The following COL23A1 variants were observed in gnomAD, a reference collection of about 807,000 sequenced individuals.
COL23A1 encodes the protein collagen alpha-1(XXIII) chain.
In COL23A1, 97 loss-of-function variants were observed where a neutral mutation model predicts 99.3. The ratio of observed to expected loss-of-function variants is 0.98; its 90% CI spans 0.83 to 1.16. The LOEUF is 1.16. COL23A1 is among the 50% of genes most tolerant of loss of function. COL23A1 has a pLI of 0.00. For missense variants in COL23A1, 762 were observed against 757.4 expected, an observed-to-expected ratio of 1.01 and a Z score of -0.07; for synonymous variants, 320 against 308.2, an observed-to-expected ratio of 1.04 and a Z score of -0.40.
chr5:178,482,515 G>A (rs554039781), intron 2 of COL23A1, among the ~76,000 whole-genome samples: 3 of 152,298 alleles, frequency 2.0e-5, no homozygotes, highest in Admixed American at 2.0e-4. Flanking sequence ...GAAGAAAAAG[G>A]TTCTGAGATG....
At chr5:178,512,106 T>G (rs185200216) in intron 2 of COL23A1, among the ~76,000 whole-genome samples, 1 of 152,250 alleles carries the variant, frequency 6.6e-6, no homozygotes, top group East Asian at 1.9e-4. Flanking sequence ...CAAATGTGTA[T>G]GAACATGGCT....
intron 12 of COL23A1, among the ~76,000 whole-genome samples, chr5:178,258,394 G>GT (rs59750946): frequency 0.22 from 23,614 of 108,724 alleles, 4,007 homozygotes; most frequent in Non-Finnish European, 0.29. Flanking sequence ...GATGGGAGAG[G>GT]TTTTTTTTTT....
rs1561906476 is a variant in COL23A1, at chr5:178,365,687, G to A, written c.362-58768C>T. ...TCCTCGACAACTGCGTGCTGTTCCC[G>A]GCAGACCCTTGCGTTTCCTGTTCTC... On this transcript the variant is annotated intron_variant, in intron 2 of 28. Transcript: ENST00000390654. This position sits in a 1 kb window ranked among gnomAD's most constrained non-coding sequence, Gnocchi z 5.2. 6.6e-6 allele frequency among the ~76,000 whole-genome samples: 1 copy of A among 152,102 alleles called. No individual in the cohort carries two copies. The highest frequency in any genetic ancestry group is 1.5e-5 in the Non-Finnish European group (1 of 68,022).
At chr5:178,362,921 C>T (rs1341259362) in intron 2 of COL23A1, among the ~76,000 whole-genome samples, 24 of 113,630 alleles carry the variant, frequency 2.1e-4, no homozygotes, top group African/African-American at 7.9e-4. Flanking sequence ...AGCAACCCAC[C>T]CCCACAGCAA....
intron 2 of COL23A1, among the ~76,000 whole-genome samples, chr5:178,503,783 T>C (rs922406063): frequency 2.0e-5 from 3 of 152,016 alleles, no homozygotes. Context: ...GCAAATTCTG[T>C]GAATTTGAAA....
intron 2 of COL23A1, among the ~76,000 whole-genome samples, chr5:178,325,251 C>T (rs1294717131): frequency 6.6e-6 from 1 of 152,194 alleles, no homozygotes; most frequent in Non-Finnish European, 1.5e-5. Flanking sequence ...TAGTCAGGGC[C>T]ATCCTTCTAG....
chr5:178,585,102 G>C (rs577322510), intron 1 of COL23A1, among the ~76,000 whole-genome samples: 1 of 152,254 alleles, frequency 6.6e-6, no homozygotes, highest in African/African-American at 2.4e-5. Flanking sequence ...CTGGACAGCA[G>C]AGCCCCAGGG....
intron 2 of COL23A1, among the ~76,000 whole-genome samples, chr5:178,349,805 G>A (rs545583602): frequency 2.0e-5 from 3 of 152,324 alleles, no homozygotes; most frequent in South Asian, 4.1e-4. Context: ...GGTCTGTGTG[G>A]CTTCAGCTCC....
At chr5:178,265,384 G>T (rs1561805795) in intron 8 of COL23A1, among the ~76,000 whole-genome samples, 1 of 152,182 alleles carries the variant, frequency 6.6e-6, no homozygotes, top group Non-Finnish European at 1.5e-5. Context: ...ACTGAAGCAG[G>T]AAGAATTTGA....
chr5:178,475,147 T>C (rs1424658263), intron 2 of COL23A1, among the ~76,000 whole-genome samples: 1 of 152,256 alleles, frequency 6.6e-6, no homozygotes, highest in Non-Finnish European at 1.5e-5. Context: ...CCTAATCCAG[T>C]ACAACCTCAT....
Position 178,560,759 on chromosome 5 carries a change from A to G in COL23A1, c.295-11T>C. The G allele has an allele frequency of 6.4e-7, 1 of 1,551,510 alleles. No individual in the cohort carries two copies. Among genetic ancestry groups the G allele is most frequent in the African/African-American group, 1.4e-5 (1 of 72,690 alleles). Reference sequence around the variant, plus strand: ...TAGTCCGTCCAACTTCTGAGCCGGAAAAAAAAAAAGAAAAAAAACGAGGAG... The same window carrying G: ...TAGTCCGTCCAACTTCTGAGCCGGAGAAAAAAAAAGAAAAAAAACGAGGAG... On this transcript the variant is annotated splice_polypyrimidine_tract_variant and intron_variant, in intron 1 of 28. Transcript: ENST00000390654.
intron 2 of COL23A1, among the ~76,000 whole-genome samples, chr5:178,320,934 C>T (rs1438231347): frequency 6.6e-6 from 1 of 152,230 alleles, no homozygotes; most frequent in South Asian, 2.1e-4. Context: ...GGGGTGTGGG[C>T]AGGCTGTGCG....
intron 2 of COL23A1, among the ~76,000 whole-genome samples, chr5:178,456,428 G>A (rs907488666): frequency 1.3e-5 from 2 of 152,232 alleles, no homozygotes. Flanking sequence ...GCCGGGCATG[G>A]TGGCTCACGC....
intron 2 of COL23A1, among the ~76,000 whole-genome samples, chr5:178,487,285 C>T (rs1480016179): frequency 8.0e-6 from 1 of 125,040 alleles, no homozygotes; most frequent in African/African-American, 2.9e-5. Flanking sequence ...GTACCAGCCT[C>T]AGTTTTATTT....
intron 2 of COL23A1, among the ~76,000 whole-genome samples, chr5:178,401,454 G>A (rs1050809887): frequency 5.3e-5 from 8 of 152,126 alleles, no homozygotes; most frequent in Non-Finnish European, 2.9e-5. Flanking sequence ...TTGGCATAGC[G>A]CATTTGAGAT....
chr5:178,369,791 T>C lies in COL23A1; in HGVS notation c.362-62872A>G, dbSNP rs1762705180. Among the ~76,000 whole-genome samples the C allele has an allele frequency of 2.6e-5, 4 of 152,328 alleles. No homozygotes were observed. In the South Asian group the frequency reaches 8.3e-4, roughly 32 times the overall value. On this transcript the variant is annotated intron_variant, in intron 2 of 28. Coordinates refer to ENST00000390654, the MANE Select transcript of COL23A1 (RefSeq NM_173465.4). ...TGTAAGTCCATTAAATCTCTTTCTT[T>C]TGTAAACTGCCCAGTCTCAGGTATG...
intron 1 of COL23A1, among the ~76,000 whole-genome samples, chr5:178,570,454 G>A (rs1763037163): frequency 6.6e-6 from 1 of 151,992 alleles, no homozygotes; most frequent in African/African-American, 2.4e-5. Flanking sequence ...ATGTACATAT[G>A]TACACTATGT....
chr5:178,564,663 G>A (rs543223605), intron 1 of COL23A1, among the ~76,000 whole-genome samples: 2 of 152,290 alleles, frequency 1.3e-5, no homozygotes, highest in East Asian at 1.9e-4. Context: ...AAGTCTGGGG[G>A]AAGGGCGGCA....
At chr5:178,259,932 A>G (rs60537427) in intron 11 of COL23A1, among the ~76,000 whole-genome samples, 185 bp from the exon 12 acceptor site, 3,326 of 152,166 alleles carry the variant, frequency 0.022, 129 homozygotes, top group African/African-American at 0.076. Context: ...TGAGCCACTC[A>G]CTCCCAAGCT....
Sources: gnomAD v4.1 joint callset for allele counts (sites outside exome capture counted in the v4.1 genomes callset) on GRCh38, gnomAD v4.1.1 for gene constraint, Gnocchi (gnomAD v3.1) non-coding constraint, MANE v1.5 for transcripts, NCBI Gene and HGNC (gene_info 2026-07-23, HGNC 2026-07-21) for gene names.